Variants in OR51B5 observed in about 807,000 individuals in gnomAD.
OR51B5 encodes olfactory receptor 51B5.
For missense variants in OR51B5, 456 were observed against 374.6 expected (o/e 1.22, Z -1.79); for synonymous variants, 186 against 144.8 (o/e 1.28, Z -2.04).
intron 1 of OR51B5, among the ~76,000 whole-genome samples, chr11:5,393,686 TA>T (rs1204045585): frequency 6.6e-6 from 1 of 152,228 alleles, no homozygotes; most frequent in African/African-American, 2.4e-5. Flanking sequence ...GAGTACTTTT[TA>T]TTTTCATTAT....
intron 1 of OR51B5, chr11:5,423,201 A>C: frequency 6.7e-7 from 1 of 1,485,026 alleles, no homozygotes; most frequent in Non-Finnish European, 9.0e-7. Context: ...CATAGGCTTA[A>C]GGGGGGAATA....
chr11:5,493,710 T>C (rs931777872), intron 1 of OR51B5, among the ~76,000 whole-genome samples: 3 of 152,170 alleles, frequency 2.0e-5, no homozygotes, highest in Non-Finnish European at 4.4e-5. Context: ...TCTGCAGCAA[T>C]TATTTTTATG....
intron 1 of OR51B5, among the ~76,000 whole-genome samples, chr11:5,475,695 A>G (rs7117749): frequency 0.014 from 2,113 of 152,278 alleles, 54 homozygotes; most frequent in African/African-American, 0.049. Context: ...TGTAAATTCC[A>G]TGAAACATGA....
chr11:5,392,971 G>A (rs928840492), intron 1 of OR51B5: 3 of 152,042 alleles, frequency 2.0e-5, no homozygotes, highest in Non-Finnish European at 1.5e-5. Flanking sequence ...TGGTAAAAGA[G>A]GTATTTTCAC....
In OR51B5 at chr11:5,342,819, G is replaced by C. The variant is rs140543559; in HGVS notation, c.706C>G (p.Leu236Val). 4,513 of 1,613,590 alleles carry C rather than the reference G, an allele frequency of 2.8e-3. 17 individuals are homozygous for C. The highest frequency in any genetic ancestry group is 6.8e-3 in the South Asian group (623 of 90,960). The change falls in exon 1 of 1, where the codon CTC (leucine) becomes GTC (valine). Residue 236 changes from leucine (L) to valine (V), a missense_variant. Transcript: ENST00000300773. Reference sequence around the variant, plus strand: ...CAGATATGGGAGACACAGGTAATGAGAGCCTTGGCCCTCTCCTCTCTGGAG... The same window carrying C: ...CAGATATGGGAGACACAGGTAATGACAGCCTTGGCCCTCTCCTCTCTGGAG...
At chr11:5,389,646 TG>T in intron 1 of OR51B5, 1 of 1,613,688 alleles carries the variant, frequency 6.2e-7, no homozygotes, top group Non-Finnish European at 8.5e-7. Flanking sequence ...CTCACTGACC[TG>T]GGGCTGTGTG....
intron 1 of OR51B5, among the ~76,000 whole-genome samples, chr11:5,483,773 A>T (rs1590022804): frequency 6.6e-6 from 1 of 152,098 alleles, no homozygotes; most frequent in African/African-American, 2.4e-5. Context: ...GGGTTTTCCC[A>T]CCTGCACATC....
At chr11:5,377,397 G>T (rs1012725734) in intron 1 of OR51B5, among the ~76,000 whole-genome samples, 2 of 152,140 alleles carry the variant, frequency 1.3e-5, no homozygotes, top group African/African-American at 4.8e-5. Flanking sequence ...TTGTAAACTG[G>T]CACAAGACAG....
chr11:5,441,201 A>C, intron 1 of OR51B5: 1 of 1,614,042 alleles, frequency 6.2e-7, no homozygotes, highest in African/African-American at 1.3e-5. Flanking sequence ...AGTGTGGATG[A>C]AGAACATCTG....
chr11:5,421,349 A>C (rs1273921490), intron 1 of OR51B5, among the ~76,000 whole-genome samples: 1 of 152,258 alleles, frequency 6.6e-6, no homozygotes, highest in Non-Finnish European at 1.5e-5. Flanking sequence ...CCTCCAAGGC[A>C]GGAGAAACCA....
rs11037558 is a variant in OR51B5, at chr11:5,461,468, T to A, written n.84+44101A>T. ...CTGGGAGAGGCTGGCAGACTGGGGC[T>A]CATTCAGATCAGACTTGCCCTGTCC... On this transcript the variant is annotated intron_variant and non_coding_transcript_variant, in intron 1 of 4. Coordinates refer to the OR51B5 transcript ENST00000415970. Among the ~76,000 whole-genome samples the A allele has an allele frequency of 5.5e-3, 839 of 152,026 alleles. 9 individuals are homozygous for A. The highest frequency in any genetic ancestry group is 0.018 in the African/African-American group (756 of 41,510).
intron 1 of OR51B5, among the ~76,000 whole-genome samples, chr11:5,361,385 TC>T (rs1849281824): frequency 6.6e-6 from 1 of 152,154 alleles, no homozygotes; most frequent in Non-Finnish European, 1.5e-5. Context: ...AAACTAATTT[TC>T]TTTGCAGCTT....
At chr11:5,445,255 C>A (rs970412815) in intron 1 of OR51B5, among the ~76,000 whole-genome samples, 2 of 152,072 alleles carry the variant, frequency 1.3e-5, no homozygotes, top group Non-Finnish European at 2.9e-5. Flanking sequence ...GCTTAAATAG[C>A]TAAAAATATA....
intron 1 of OR51B5, among the ~76,000 whole-genome samples, chr11:5,387,465 ACC>A (rs1476310672): frequency 6.6e-6 from 1 of 151,930 alleles, no homozygotes; most frequent in Non-Finnish European, 1.5e-5. Flanking sequence ...ACTATTTTTT[ACC>A]CCTTGCCAAA....
At chr11:5,342,563 A>G, downstream of OR51B5, 1 of 1,548,478 alleles carries the variant, frequency 6.5e-7, no homozygotes, top group South Asian at 1.3e-5. Flanking sequence ...ACATTCTGTG[A>G]GAGTGACTGT....
intron 1 of OR51B5, chr11:5,454,077 A>G (rs1303061568): frequency 1.2e-6 from 2 of 1,614,130 alleles, no homozygotes; most frequent in Middle Eastern, 1.6e-4. Context: ...TATCAACAGC[A>G]TCTATGGACT....
chr11:5,460,387 G>A (rs764283418), intron 1 of OR51B5, among the ~76,000 whole-genome samples: 3 of 152,144 alleles, frequency 2.0e-5, no homozygotes, highest in African/African-American at 4.8e-5. Context: ...ACCCTTGAAC[G>A]TAAAAGTTTT....
At chr11:5,459,933 T>A (rs1310256793) in intron 1 of OR51B5, among the ~76,000 whole-genome samples, 1 of 152,158 alleles carries the variant, frequency 6.6e-6, no homozygotes, top group African/African-American at 2.4e-5. Flanking sequence ...ATGTGTATGT[T>A]CACTGCAGCA....
At chr11:5,390,418 G>A in intron 1 of OR51B5, 4 of 1,503,312 alleles carry the variant, frequency 2.7e-6, no homozygotes, top group Non-Finnish European at 3.6e-6. Context: ...CCTATAAGAA[G>A]GCCCCAAATT....
Sources: allele counts gnomAD v4.1 joint callset (sites outside exome capture counted in the v4.1 genomes callset), GRCh38; gene constraint gnomAD v4.1.1; transcripts MANE v1.5; gene names NCBI Gene and HGNC (gene_info 2026-07-23, HGNC 2026-07-21).